CNTNAP4: variants seen among roughly 807,000 people sequenced by gnomAD.
The protein encoded by CNTNAP4 is contactin associated protein family member 4.
CNTNAP4 carries 98 observed loss-of-function variants against 148.4 expected under a neutral mutation model. The observed-to-expected ratio is 0.66, with a 90% CI of 0.56 to 0.78. The LOEUF is 0.78. Ranked by LOEUF, CNTNAP4 falls within the 30% of genes least tolerant of loss-of-function variation. The probability of loss-of-function intolerance (pLI) is 0.00; values close to 1 mark genes in which losing one functional copy is unlikely to be tolerated. For missense variants in CNTNAP4, 1,935 were observed against 1,565.6 expected (o/e 1.24, Z -3.98); for synonymous variants, 730 against 565.1 (o/e 1.29, Z -4.14).
intron 3 of CNTNAP4, among the ~76,000 whole-genome samples, chr16:76,373,037 G>C (rs961207738): frequency 1.3e-5 from 2 of 152,132 alleles, no homozygotes; most frequent in African/African-American, 2.4e-5. Flanking sequence ...GTGTCTGCTG[G>C]TTTACAGCAC....
intron 13 of CNTNAP4, among the ~76,000 whole-genome samples, chr16:76,493,293 G>A (rs1490642956): frequency 6.6e-6 from 1 of 152,174 alleles, no homozygotes; most frequent in Non-Finnish European, 1.5e-5. Flanking sequence ...AAATGTGTAT[G>A]AAAATATGTT....
chr16:76,391,686 A>G (rs936078879), intron 3 of CNTNAP4, among the ~76,000 whole-genome samples: 5 of 152,202 alleles, frequency 3.3e-5, no homozygotes, highest in African/African-American at 7.2e-5. Context: ...TGTTGTAAGG[A>G]GCCCTCCATG....
At chr16:76,287,422 T>C (rs933804040) in intron 1 of CNTNAP4, among the ~76,000 whole-genome samples, 4 of 152,180 alleles carry the variant, frequency 2.6e-5, no homozygotes, top group Non-Finnish European at 4.4e-5. Flanking sequence ...ATCACATTGG[T>C]TTCTTGGAAG....
chr16:76,494,028 T>A (rs1340380992), intron 13 of CNTNAP4, among the ~76,000 whole-genome samples: 2 of 152,130 alleles, frequency 1.3e-5, no homozygotes. Flanking sequence ...TGATTCTATG[T>A]TGCTTACATT....
At chr16:76,470,802 A>G (rs921758866) in intron 10 of CNTNAP4, among the ~76,000 whole-genome samples, 2 of 152,140 alleles carry the variant, frequency 1.3e-5, no homozygotes, top group African/African-American at 4.8e-5. Context: ...ATACAAATAC[A>G]CACACATGCT....
At chr16:76,332,316 A>G (rs1009530016) in intron 2 of CNTNAP4, among the ~76,000 whole-genome samples, 27 of 152,232 alleles carry the variant, frequency 1.8e-4, no homozygotes, top group African/African-American at 6.3e-4. Flanking sequence ...GCTGGAGTGC[A>G]GTGGTGCAAT....
intron 2 of CNTNAP4, among the ~76,000 whole-genome samples, chr16:76,340,855 G>A (rs562429167): frequency 6.6e-6 from 1 of 152,216 alleles, no homozygotes; most frequent in East Asian, 1.9e-4. Context: ...TGTCTGCACT[G>A]CCAATCAGCA....
intron 12 of CNTNAP4, among the ~76,000 whole-genome samples, chr16:76,480,399 G>A (rs906865096): frequency 6.6e-6 from 1 of 152,022 alleles, no homozygotes; most frequent in Non-Finnish European, 1.5e-5. Flanking sequence ...GATGTACAAG[G>A]TTTCTACACC....
chr16:76,460,812 A>G (rs1329843245), intron 8 of CNTNAP4, among the ~76,000 whole-genome samples: 1 of 138,002 alleles, frequency 7.2e-6, no homozygotes, highest in Non-Finnish European at 1.6e-5. Flanking sequence ...TTGTATATAA[A>G]TATATAGAGA....
At chr16:76,542,251 G>C (rs1415675047) in intron 21 of CNTNAP4, among the ~76,000 whole-genome samples, 1 of 152,160 alleles carries the variant, frequency 6.6e-6, no homozygotes, top group African/African-American at 2.4e-5. Context: ...TCAGGCCACT[G>C]TGGAGGTAAG....
chr16:76,397,624 A>T (rs1301168288), intron 3 of CNTNAP4, among the ~76,000 whole-genome samples: 1 of 151,912 alleles, frequency 6.6e-6, no homozygotes, highest in Non-Finnish European at 1.5e-5. Flanking sequence ...AACATTTAAC[A>T]AGCCTCTGGA....
chr16:76,305,711 A>T (rs529820939), intron 1 of CNTNAP4, among the ~76,000 whole-genome samples: 57 of 152,192 alleles, frequency 3.7e-4, no homozygotes, highest in African/African-American at 1.4e-3. Flanking sequence ...TTTTATTTAG[A>T]TACAGGGGGT....
chr16:76,481,458 T>G (rs1026072005), intron 12 of CNTNAP4, among the ~76,000 whole-genome samples: 1 of 152,150 alleles, frequency 6.6e-6, no homozygotes. Flanking sequence ...GGCGGGGGCA[T>G]AATTTGAGCC....
chr16:76,348,484 A>T (rs1160929848), intron 2 of CNTNAP4, among the ~76,000 whole-genome samples: 1 of 152,150 alleles, frequency 6.6e-6, no homozygotes, highest in Non-Finnish European at 1.5e-5. Flanking sequence ...TGAGACCTGG[A>T]GAGTCTCAAC....
chr16:76,502,501 A>T (rs2082690322), intron 15 of CNTNAP4, among the ~76,000 whole-genome samples: 1 of 152,040 alleles, frequency 6.6e-6, no homozygotes, highest in South Asian at 2.1e-4. Flanking sequence ...AGGCATCAGG[A>T]CTACACATTG....
chr16:76,418,868 A>C (rs531881943), intron 3 of CNTNAP4, among the ~76,000 whole-genome samples: 1 of 151,996 alleles, frequency 6.6e-6, no homozygotes, highest in Non-Finnish European at 1.5e-5. Flanking sequence ...GAAATGGGTT[A>C]CAGTTTAGGT....
intron 1 of CNTNAP4, among the ~76,000 whole-genome samples, chr16:76,305,676 G>C (rs1960406126): frequency 6.6e-6 from 1 of 152,098 alleles, no homozygotes. Flanking sequence ...CCCATCATTC[G>C]TTTTTGTTGT....
In CNTNAP4 at chr16:76,294,615, A is replaced by G. The variant is rs146008438; in HGVS notation, c.85+16868A>G. 1.8e-3 allele frequency among the ~76,000 whole-genome samples: 279 copies of G among 152,324 alleles called. 2 individuals are homozygous for G. The highest frequency in any genetic ancestry group is 6.5e-3 in the African/African-American group (271 of 41,584). ...GTAAAATATTTTTTACATTCCTTGG[A>G]TAGTTTTGGTTTCATACACTCACTC... is the stretch of plus-strand genomic sequence containing the variant. On this transcript the variant is annotated intron_variant, in intron 1 of 23. Coordinates refer to ENST00000611870, the MANE Select transcript of CNTNAP4 (RefSeq NM_033401.5).
At chr16:76,433,120 T>C (rs2079670949) in intron 4 of CNTNAP4, among the ~76,000 whole-genome samples, 2 of 152,170 alleles carry the variant, frequency 1.3e-5, no homozygotes, top group Non-Finnish European at 2.9e-5. Flanking sequence ...GCCCACGTTA[T>C]ACTGGGTTGC....
Sources: gnomAD v4.1 joint callset for allele counts (sites outside exome capture counted in the v4.1 genomes callset) on GRCh38, gnomAD v4.1.1 for gene constraint, MANE v1.5 for transcripts, NCBI Gene and HGNC (gene_info 2026-07-23, HGNC 2026-07-21) for gene names.